The following TIPRL variants were observed in gnomAD, a reference collection of about 807,000 sequenced individuals.
TIPRL encodes TOR signaling pathway regulator, also known as TIP41-like protein.
In TIPRL, 10 loss-of-function variants were observed where a neutral mutation model predicts 32.3. The ratio of observed to expected loss-of-function variants is 0.31; its 90% CI spans 0.19 to 0.52. The LOEUF is 0.52. TIPRL is among the 20% of genes least tolerant of loss of function. The probability of loss-of-function intolerance (pLI) is 0.96; values close to 1 mark genes in which losing one functional copy is unlikely to be tolerated. For synonymous variants in TIPRL, 100 were observed against 114.0 expected (o/e 0.88, Z 0.78); for missense variants, 250 against 328.1 (o/e 0.76, Z 1.84).
At chr1:168,184,401 T>C (rs1700003441) in intron 2 of TIPRL, among the ~76,000 whole-genome samples, 2 of 152,230 alleles carry the variant, frequency 1.3e-5, no homozygotes, top group African/African-American at 4.8e-5. Flanking sequence ...AAATGTTTAC[T>C]TATGATATGC....
intron 3 of TIPRL, among the ~76,000 whole-genome samples, chr1:168,188,768 C>T (rs1478935486): frequency 6.6e-6 from 1 of 152,044 alleles, no homozygotes; most frequent in Non-Finnish European, 1.5e-5. Flanking sequence ...CACCTGAGGT[C>T]AGGAGTTCGA....
At chr1:168,191,858 C>CAAAAAAA (rs60988834) in intron 4 of TIPRL, among the ~76,000 whole-genome samples, 20 of 38,870 alleles carry the variant, frequency 5.1e-4, no homozygotes, top group Non-Finnish European at 7.3e-4. Flanking sequence ...GGCGACAGAG[C>CAAAAAAA]AAAAAAAAAA....
At chr1:168,189,218 C>T (rs952237000) in intron 3 of TIPRL, among the ~76,000 whole-genome samples, 2 of 152,218 alleles carry the variant, frequency 1.3e-5, no homozygotes, top group African/African-American at 4.8e-5. Flanking sequence ...GATCTCAGCC[C>T]AGTAACTCCA....
At chr1:168,179,449 A>G (rs957476623) in intron 1 of TIPRL, among the ~76,000 whole-genome samples, 1 of 151,972 alleles carries the variant, frequency 6.6e-6, no homozygotes, top group African/African-American at 2.4e-5. Context: ...CCCCTCACCA[A>G]ACGTCTCCTC....
intron 5 of TIPRL, 99 bp from the exon 6 acceptor site, chr1:168,198,820 G>T: frequency 9.7e-7 from 1 of 1,036,078 alleles, no homozygotes; most frequent in South Asian, 1.5e-5. Flanking sequence ...ATGCTGTTTT[G>T]ACAACCTATC....
At chr1:168,199,130 A>G (rs1295661504) in intron 6 of TIPRL, 149 bp downstream of exon 6, 1 of 592,106 alleles carries the variant, frequency 1.7e-6, no homozygotes, top group African/African-American at 1.9e-5. Context: ...ATTCTATGGG[A>G]GCATAACTTT....
At chr1:168,179,369 C>T (rs1422084712) in intron 1 of TIPRL, among the ~76,000 whole-genome samples, 188 bp downstream of exon 1, 1 of 152,176 alleles carries the variant, frequency 6.6e-6, no homozygotes, top group African/African-American at 2.4e-5. Flanking sequence ...TTGGGGATCG[C>T]CAGGCGCTGC....
intron 3 of TIPRL, among the ~76,000 whole-genome samples, chr1:168,190,921 G>A (rs778606672): frequency 1.7e-4 from 26 of 152,206 alleles, no homozygotes; most frequent in African/African-American, 4.3e-4. Flanking sequence ...TAGGTTTTGG[G>A]GAGTTAGGTT....
At chr1:168,194,869 C>T (rs1234876456) in intron 4 of TIPRL, among the ~76,000 whole-genome samples, 9 of 152,156 alleles carry the variant, frequency 5.9e-5, no homozygotes, top group Admixed American at 2.0e-4. Flanking sequence ...TTTCCACCAC[C>T]ATGGAGCCTA....
Position 168,199,985 on chromosome 1 carries a change from T to C in TIPRL, c.758T>C (p.Ile253Thr). 1 of 1,613,642 alleles carries C rather than the reference T, an allele frequency of 6.2e-7. No homozygotes were observed. Among genetic ancestry groups the C allele is most frequent in the Non-Finnish European group, 8.5e-7 (1 of 1,179,734 alleles). The change falls in exon 7 of 7, where the codon ATA becomes ACA. Residue 253 changes from isoleucine to threonine, a missense_variant. By Grantham distance (89) the Ile-to-Thr change is moderately conservative. Coordinates refer to ENST00000367833, the MANE Select transcript of TIPRL (RefSeq NM_152902.5). ...PIKEAVCEKL[I>T]FPERIDPNPA... ...AAGGAAGCAGTTTGTGAGAAGCTAATATTTCCAGAAAGAATTGATCCTAAC... is the reference window on the plus strand; with the variant it reads ...AAGGAAGCAGTTTGTGAGAAGCTAACATTTCCAGAAAGAATTGATCCTAAC...
chr1:168,179,051 G>A lies in TIPRL; in HGVS notation c.-27G>A. ...CCGCCGCTGCTTCAGCTTATTCCTT[G>A]TGGCCTCTGCGGGTCCTGCCTCAGC... On this transcript the variant is annotated 5_prime_UTR_variant, in exon 1 of 7. In the 5' UTR this introduces an upstream ATG that the reference lacks. Transcript: ENST00000367833. 1 of 1,604,974 alleles carries A rather than the reference G, an allele frequency of 6.2e-7. No individual in the cohort carries two copies. Among genetic ancestry groups the A allele is most frequent in the Non-Finnish European group, 8.5e-7 (1 of 1,172,750 alleles).
chr1:168,194,775 T>C (rs1700135114), intron 4 of TIPRL, among the ~76,000 whole-genome samples: 1 of 152,194 alleles, frequency 6.6e-6, no homozygotes, highest in African/African-American at 2.4e-5. Flanking sequence ...GCTTCAGTTT[T>C]ATCCGGAAAA....
At chr1:168,185,297 G>A (rs978095512) in intron 3 of TIPRL, among the ~76,000 whole-genome samples, 2 of 152,164 alleles carry the variant, frequency 1.3e-5, no homozygotes, top group African/African-American at 4.8e-5. Flanking sequence ...TCTGCCCTGA[G>A]TATGAACCTG....
chr1:168,189,078 A>C (rs547748668), intron 3 of TIPRL, among the ~76,000 whole-genome samples: 1 of 152,038 alleles, frequency 6.6e-6, no homozygotes, highest in South Asian at 2.1e-4. Flanking sequence ...CCTTGTCCTT[A>C]GTGAGCACTG....
Position 168,196,636 on chromosome 1 carries a change from C to T in TIPRL, c.606C>T (p.Tyr202=). The change falls in exon 5 of 7, where the codon TAC becomes TAT. Residue 202 remains tyrosine, a synonymous_variant. Coordinates refer to ENST00000367833, the MANE Select transcript of TIPRL (RefSeq NM_152902.5). ...VLIRMNDTRL[Y]HEADKTYMLR... ...TCAGAATGAATGACACGAGACTTTA[C>T]CATGAGGTATTTATTGTTGTTTAAT... 2 of 1,590,550 alleles carry T rather than the reference C, an allele frequency of 1.3e-6. No homozygotes were observed. The highest frequency in any genetic ancestry group is 1.7e-6 in the Non-Finnish European group (2 of 1,168,772).
At chr1:168,179,212 T>A (rs1699929728) in intron 1 of TIPRL, 31 bp downstream of exon 1, 2 of 1,605,776 alleles carry the variant, frequency 1.2e-6, no homozygotes, top group South Asian at 2.2e-5. Flanking sequence ...GTCTGGGCGC[T>A]GGCCGGTTGC....
Position 168,200,168 on chromosome 1 carries a change from G to A in TIPRL, c.*122G>A. On this transcript the variant is annotated 3_prime_UTR_variant, in exon 7 of 7. Coordinates refer to ENST00000367833, the MANE Select transcript of TIPRL (RefSeq NM_152902.5). The stretch of plus-strand genomic sequence containing the variant: ...TGTACAGATTTTCTGTAGCCTTAAA[G>A]GAAAAAAAAATAAAGATCGTTACAG... The A allele has an allele frequency of 1.7e-5, 19 of 1,103,212 alleles. No individual in the cohort carries two copies. Among genetic ancestry groups the A allele is most frequent in the Admixed American group, 3.0e-5 (1 of 33,242 alleles). The allele number at this position is 1,103,212 out of a possible 1,614,324, so 68.3% of individuals were successfully genotyped here.
At chr1:168,195,667 G>A (rs1700145310) in intron 4 of TIPRL, among the ~76,000 whole-genome samples, 2 of 151,974 alleles carry the variant, frequency 1.3e-5, no homozygotes, top group Admixed American at 1.3e-4. Flanking sequence ...CTATCTCCCA[G>A]GCCCAAGCCA....
chr1:168,179,290 GTCCC>G, intron 1 of TIPRL, 109 bp downstream of exon 1: 8 of 938,330 alleles, frequency 8.5e-6, no homozygotes, highest in Non-Finnish European at 1.3e-5. Flanking sequence ...CGGAGGTTCG[GTCCC>G]TCCGGACCGG....
Sources: gnomAD v4.1 joint callset for allele counts (sites outside exome capture counted in the v4.1 genomes callset) on GRCh38, gnomAD v4.1.1 for gene constraint, MANE v1.5 for transcripts, NCBI Gene and HGNC (gene_info 2026-07-23, HGNC 2026-07-21) for gene names.